Variants in MAPKAPK3 observed in about 807,000 individuals in gnomAD.
MAPKAPK3 encodes the protein MAP kinase-activated protein kinase 3.
A neutral mutation model predicts 49.2 loss-of-function variants in MAPKAPK3; 35 were observed. That is an observed-to-expected ratio of 0.71 (90% CI 0.54 to 0.94). The LOEUF (loss-of-function observed/expected upper bound fraction) is 0.94. Among genes scored for constraint, MAPKAPK3 ranks in the 40% least tolerant of loss-of-function variants. MAPKAPK3 has a pLI of 0.00. For synonymous variants in MAPKAPK3, 178 were observed against 188.7 expected (o/e 0.94, Z 0.46); for missense variants, 398 against 493.1 (o/e 0.81, Z 1.83).
intron 10 of MAPKAPK3, 72 bp from the exon 11 acceptor site, chr3:50,647,822 G>A (rs1303556056): frequency 6.8e-7 from 1 of 1,466,446 alleles, no homozygotes; most frequent in Non-Finnish European, 9.3e-7. Flanking sequence ...GGGCTGCCCA[G>A]GCAGGGGGGT....
chr3:50,635,056 A>G (rs2033001336), intron 2 of MAPKAPK3, among the ~76,000 whole-genome samples: 1 of 152,226 alleles, frequency 6.6e-6, no homozygotes, highest in South Asian at 2.1e-4. Context: ...ACAGAGGCCC[A>G]GAGAGGAAAA....
chr3:50,631,350 C>T (rs561787537), intron 2 of MAPKAPK3, among the ~76,000 whole-genome samples: 6 of 152,110 alleles, frequency 3.9e-5, no homozygotes, highest in African/African-American at 7.2e-5. Flanking sequence ...GGGGCAGGAG[C>T]GGGGTTCTGG....
rs1320037327 is a variant in MAPKAPK3 at position 50,648,194 on chromosome 3, G to C, written c.*148G>C. ...ATTTGTCACTCGGAACTTCAGGATG[G>C]AGGACCCTGACCCTAAACCTCCTTC... On this transcript the variant is annotated 3_prime_UTR_variant, in exon 11 of 11. Coordinates refer to ENST00000621469, the MANE Select transcript of MAPKAPK3 (RefSeq NM_001243925.2). 1 of 852,214 alleles carries C rather than the reference G, an allele frequency of 1.2e-6. No individual in the cohort carries two copies. Among genetic ancestry groups the C allele is most frequent in the East Asian group, 2.7e-5 (1 of 36,410 alleles). 52.8% of individuals were successfully genotyped at this position (852,214 alleles called of 1,614,324 possible).
At chr3:50,623,603 T>C (rs1049196350) in intron 2 of MAPKAPK3, among the ~76,000 whole-genome samples, 4 of 152,206 alleles carry the variant, frequency 2.6e-5, no homozygotes, top group Non-Finnish European at 4.4e-5. Context: ...GCGGGCCCTG[T>C]CCACAGTGCA....
chr3:50,617,903 TC>T (rs2032513541), intron 2 of MAPKAPK3, 119 bp downstream of exon 2: 9 of 761,602 alleles, frequency 1.2e-5, no homozygotes, highest in Non-Finnish European at 2.0e-5. Context: ...TGTTTCATCG[TC>T]ATACTGTCCT....
chr3:50,623,163 A>C (rs974588642), intron 2 of MAPKAPK3, among the ~76,000 whole-genome samples: 1 of 152,222 alleles, frequency 6.6e-6, no homozygotes, highest in Non-Finnish European at 1.5e-5. Context: ...CAGGAGGCAC[A>C]TGGAGGGACT....
At chr3:50,614,108 A>T (rs959292552), upstream of MAPKAPK3, 2 of 152,008 alleles carry the variant, frequency 1.3e-5, no homozygotes, top group Admixed American at 1.3e-4. Context: ...ATATGACAGC[A>T]CTGTGCACCT....
chr3:50,642,063 G>A (rs2033187426), intron 4 of MAPKAPK3, among the ~76,000 whole-genome samples, 190 bp from the exon 5 acceptor site: 1 of 152,148 alleles, frequency 6.6e-6, no homozygotes, highest in Non-Finnish European at 1.5e-5. Flanking sequence ...TGGGTTGGGG[G>A]TATCCTCGGA....
chr3:50,632,867 G>A (rs1174339456), intron 2 of MAPKAPK3, among the ~76,000 whole-genome samples: 1 of 152,218 alleles, frequency 6.6e-6, no homozygotes, highest in Non-Finnish European at 1.5e-5. Flanking sequence ...ACTTTAACTT[G>A]AGAAGAGCCC....
chr3:50,637,699 GA>G, intron 2 of MAPKAPK3, among the ~76,000 whole-genome samples: 1 of 10,170 alleles, frequency 9.8e-5, no homozygotes, highest in Non-Finnish European at 7.9e-4. Flanking sequence ...GAGAAAGAGA[GA>G]GAGAGAGAGA....
At chr3:50,621,221 G>A (rs1007332079) in intron 2 of MAPKAPK3, among the ~76,000 whole-genome samples, 1 of 152,134 alleles carries the variant, frequency 6.6e-6, no homozygotes, top group East Asian at 1.9e-4. Context: ...ACTTTGGGAG[G>A]CTGAGGCAGG....
Position 50,647,994 on chromosome 3 carries a change from G to GA in MAPKAPK3, c.1103dup (p.Gln369AlafsTer32). Reference sequence around the variant, plus strand: ...AACAACCGGCTCCTCAACAAGAGGAGAAAAAAGCAGGCAGGCAGCTCCTCT... The same window carrying GA: ...AACAACCGGCTCCTCAACAAGAGGAGAAAAAAAGCAGGCAGGCAGCTCCTCT... On this transcript the variant is annotated frameshift_variant, in exon 11 of 11. Transcript: ENST00000621469. LOFTEE classifies it high-confidence loss of function. 6.2e-7 allele frequency: 1 copy of GA among 1,613,872 alleles called. No individual in the cohort carries two copies.
intron 2 of MAPKAPK3, among the ~76,000 whole-genome samples, chr3:50,624,845 A>G (rs1013608976): frequency 6.6e-6 from 1 of 152,192 alleles, no homozygotes; most frequent in Non-Finnish European, 1.5e-5. Flanking sequence ...TACCTGTGCC[A>G]TGAGAGTGTG....
chr3:50,627,676 A>T (rs1328441878), intron 2 of MAPKAPK3, among the ~76,000 whole-genome samples: 7 of 152,110 alleles, frequency 4.6e-5, no homozygotes, highest in Non-Finnish European at 1.0e-4. Flanking sequence ...CTGCCAGGCC[A>T]CCACCCTGGT....
At chr3:50,620,331 C>G (rs1032319203) in intron 2 of MAPKAPK3, among the ~76,000 whole-genome samples, 6 of 152,072 alleles carry the variant, frequency 3.9e-5, no homozygotes, top group African/African-American at 9.7e-5. Flanking sequence ...CCTCTCCCCG[C>G]AGTTGCCCCA....
intron 2 of MAPKAPK3, among the ~76,000 whole-genome samples, chr3:50,636,817 G>A (rs948840536): frequency 1.3e-5 from 2 of 152,096 alleles, no homozygotes; most frequent in Admixed American, 6.5e-5. Flanking sequence ...CAACTCAAGG[G>A]GTCAGGAGAG....
intron 2 of MAPKAPK3, among the ~76,000 whole-genome samples, chr3:50,628,215 G>A (rs765621075): frequency 1.1e-4 from 16 of 152,194 alleles, no homozygotes; most frequent in Non-Finnish European, 2.2e-4. Flanking sequence ...GGCCTGCTGA[G>A]TGCTTCAGCA....
intron 2 of MAPKAPK3, among the ~76,000 whole-genome samples, chr3:50,634,251 T>G (rs2107588624): frequency 1.3e-5 from 2 of 152,280 alleles, no homozygotes; most frequent in South Asian, 4.2e-4. Context: ...ATCCCCTTCC[T>G]CAGGAAGAAG....
Position 50,628,521 on chromosome 3 carries a change from A to G in MAPKAPK3, c.219+10737A>G, listed in dbSNP as rs1035809525. Among the ~76,000 whole-genome samples the G allele has an allele frequency of 2.6e-5, 4 of 152,220 alleles. No homozygotes were observed. The East Asian group carries it at 5.8e-4, about 22-fold the overall frequency. ...ATAAAACCAGGGTAAAGTTTCACAG[A>G]TTATGTAGCTGATTTTGATAGAAAA... On this transcript the variant is annotated intron_variant, in intron 2 of 10. Transcript: ENST00000621469.
Sources: gnomAD v4.1 joint callset for allele counts (sites outside exome capture counted in the v4.1 genomes callset) on GRCh38, gnomAD v4.1.1 for gene constraint, MANE v1.5 for transcripts, NCBI Gene and HGNC (gene_info 2026-07-23, HGNC 2026-07-21) for gene names.